Variants in ARHGEF26 observed in about 807,000 individuals in gnomAD.
The protein encoded by ARHGEF26 is Rho guanine nucleotide exchange factor 26, also known as Rho guanine nucleotide exchange factor (GEF) 26.
ARHGEF26 carries 59 observed loss-of-function variants against 89.4 expected under a neutral mutation model. The ratio of observed to expected loss-of-function variants is 0.66; its 90% CI spans 0.54 to 0.82. ARHGEF26 has a LOEUF of 0.82. ARHGEF26 is among the 40% of genes least tolerant of loss of function. The pLI is 0.00. For missense variants in ARHGEF26, 1,234 were observed against 1,085.6 expected, an observed-to-expected ratio of 1.14 and a Z score of -1.92; for synonymous variants, 500 against 428.4, an observed-to-expected ratio of 1.17 and a Z score of -2.06.
chr3:154,150,728 TC>T, intron 5 of ARHGEF26, among the ~76,000 whole-genome samples: 1 of 152,256 alleles, frequency 6.6e-6, no homozygotes, highest in East Asian at 1.9e-4. Flanking sequence ...ATTTAAAAGC[TC>T]CTCCAAGATA....
rs1716777077 is a variant in ARHGEF26, at chr3:154,230,676, C to T, written c.2090+4666C>T. ...AGTTTCCCTTTGTTAACATTTCCTTCCTGCAGACATTTAAGACAGGAGATT... is the reference window on the plus strand; with the variant it reads ...AGTTTCCCTTTGTTAACATTTCCTTTCTGCAGACATTTAAGACAGGAGATT... On this transcript the variant is annotated intron_variant, in intron 11 of 14. Transcript: ENST00000465093. Among the ~76,000 whole-genome samples the T allele has an allele frequency of 1.3e-5, 2 of 152,162 alleles. 1 individual carries two copies. Among genetic ancestry groups the T allele is most frequent in the African/African-American group, 4.8e-5 (2 of 41,422 alleles).
At chr3:154,229,663 T>TAGTAAGG (rs1332533164) in intron 11 of ARHGEF26, among the ~76,000 whole-genome samples, 1 of 152,186 alleles carries the variant, frequency 6.6e-6, no homozygotes, top group East Asian at 1.9e-4. Flanking sequence ...CTCTATCCAC[T>TAGTAAGG]GTTCGCTAGT....
chr3:154,215,528 A>G (rs1183648023), intron 9 of ARHGEF26, among the ~76,000 whole-genome samples: 1 of 152,054 alleles, frequency 6.6e-6, no homozygotes, highest in Non-Finnish European at 1.5e-5. Context: ...TAGAAGGGGA[A>G]ATATTTTTGT....
At chr3:154,228,672 T>C (rs1372832108) in intron 11 of ARHGEF26, among the ~76,000 whole-genome samples, 1 of 152,056 alleles carries the variant, frequency 6.6e-6, no homozygotes, top group Admixed American at 6.6e-5. Flanking sequence ...CCACAGAAGC[T>C]TCATAAACAG....
intron 11 of ARHGEF26, among the ~76,000 whole-genome samples, chr3:154,235,472 T>G (rs73875329): frequency 0.012 from 1,857 of 152,292 alleles, 37 homozygotes; most frequent in African/African-American, 0.043. Flanking sequence ...TCTCACTTGG[T>G]AGTATATTTT....
rs1281477674 is a variant in ARHGEF26, at chr3:154,122,762, C to A, written c.770C>A (p.Ser257Ter). Reference sequence around the variant, plus strand: ...CAGATCATTCCGAAGAGTCTGGCCTCGGAAATTAAAATAAGTAAATCCAAC... The same window carrying A: ...CAGATCATTCCGAAGAGTCTGGCCTAGGAAATTAAAATAAGTAAATCCAAC... ...KQQIIPKSLA[S>*]EIKISKSNNQ... Residue 257 changes from serine to a stop codon, truncating the protein, a stop_gained, in exon 2 of 15, where the codon TCG becomes TAG. Transcript: ENST00000465093. LOFTEE classifies it high-confidence loss of function. The A allele has an allele frequency of 1.2e-6, 2 of 1,610,998 alleles. No homozygotes were observed. The highest frequency in any genetic ancestry group is 1.7e-5 in the Admixed American group (1 of 59,516).
intron 6 of ARHGEF26, among the ~76,000 whole-genome samples, chr3:154,167,555 G>A (rs993130128): frequency 2.0e-5 from 3 of 152,100 alleles, no homozygotes; most frequent in Non-Finnish European, 4.4e-5. Context: ...TTTTATATTT[G>A]CAAGTAACTT....
At chr3:154,190,839 C>T (rs1410288710) in intron 7 of ARHGEF26, among the ~76,000 whole-genome samples, 2 of 152,286 alleles carry the variant, frequency 1.3e-5, no homozygotes, top group South Asian at 2.1e-4. Flanking sequence ...TCCAGTCTAA[C>T]TGTTAATTTC....
intron 1 of ARHGEF26, 98 bp from the exon 2 acceptor site, chr3:154,121,844 G>T: frequency 1.8e-6 from 2 of 1,119,058 alleles, no homozygotes; most frequent in Non-Finnish European, 1.2e-6. Flanking sequence ...GTCGTGTCCT[G>T]CGCAGCAGCA....
Position 154,122,704 on chromosome 3 carries a change from A to C in ARHGEF26, c.712A>C (p.Asn238His), listed in dbSNP as rs376185280. The C allele has an allele frequency of 3.1e-6, 5 of 1,613,704 alleles. No homozygotes were observed. The highest frequency in any genetic ancestry group is 4.2e-6 in the Non-Finnish European group (5 of 1,179,764). Residue 238 changes from asparagine (N) to histidine (H), a missense_variant, in exon 2 of 15, where the codon AAC (asparagine) becomes CAC (histidine). Coordinates refer to ENST00000465093, the MANE Select transcript of ARHGEF26 (RefSeq NM_015595.4). Reference protein sequence around the residue: ...LENPSVVLSTNSPAALKVGKQ... With the variant: ...LENPSVVLSTHSPAALKVGKQ... ...GAATCCTTCCGTGGTTTTGAGTACA[A>C]ACAGCCCCGCCGCCCTCAAAGTGGG...
chr3:154,212,369 A>G (rs1715430078), intron 9 of ARHGEF26, among the ~76,000 whole-genome samples: 1 of 151,810 alleles, frequency 6.6e-6, no homozygotes, highest in South Asian at 2.1e-4. Context: ...AAAATTGGAT[A>G]CAATAATAAG....
intron 4 of ARHGEF26, among the ~76,000 whole-genome samples, chr3:154,135,795 G>A (rs760651079): frequency 3.9e-5 from 6 of 152,144 alleles, no homozygotes; most frequent in Non-Finnish European, 7.3e-5. Context: ...GTAGGACCCC[G>A]GAAGTATTTA....
At chr3:154,240,316 A>ACT in intron 11 of ARHGEF26, 54 bp from the exon 12 acceptor site, 1 of 1,378,182 alleles carries the variant, frequency 7.3e-7, no homozygotes, top group Non-Finnish European at 9.9e-7. Flanking sequence ...AAAACTGACA[A>ACT]TGTCAGTCTT....
rs369498475 is a variant in ARHGEF26 at position 154,226,023 on chromosome 3, C to G, written c.2090+13C>G. On this transcript the variant is annotated intron_variant, in intron 11 of 14. Transcript: ENST00000465093. ...CCAAGAAGAAGAGGTAAGTCTTTAT[C>G]TGGTGTTGCTGACTAGACATTCCAG... 5 of 1,602,256 alleles carry G rather than the reference C, an allele frequency of 3.1e-6. No homozygotes were observed. The African/African-American group carries it at 5.4e-5, about 17-fold the overall frequency.
chr3:154,239,477 T>G (rs1166678681), intron 11 of ARHGEF26, among the ~76,000 whole-genome samples: 1 of 151,886 alleles, frequency 6.6e-6, no homozygotes, highest in African/African-American at 2.4e-5. Flanking sequence ...AAGCTGATGA[T>G]GTTTCAGGAG....
At chr3:154,233,067 G>A (rs922763027) in intron 11 of ARHGEF26, among the ~76,000 whole-genome samples, 13 of 151,448 alleles carry the variant, frequency 8.6e-5, no homozygotes, top group African/African-American at 2.2e-4. Context: ...TACTGACCTC[G>A]TGATCCACCT....
Position 154,256,137 on chromosome 3 carries a change from T to G in ARHGEF26, c.*664T>G, listed in dbSNP as rs173328. On this transcript the variant is annotated 3_prime_UTR_variant, in exon 15 of 15. Coordinates refer to ENST00000465093, the MANE Select transcript of ARHGEF26 (RefSeq NM_015595.4). The stretch of plus-strand genomic sequence containing the variant: ...AAAAAATCCATCTCACCCCATATTG[T>G]TCTTAAATAAGTATAGACTAATTAA... The G allele has an allele frequency of 0.98, 963,900 of 985,264 alleles. 471,514 individuals are homozygous for G. Among genetic ancestry groups the G allele is most frequent in the Middle Eastern group, 1 (1,914 of 1,914 alleles). 61.0% of individuals were successfully genotyped at this position (985,264 alleles called of 1,614,324 possible).
Position 154,213,216 on chromosome 3 carries a change from A to AGAGAGTGTGTGT in ARHGEF26, c.1846-4652_1846-4651insAGAGTGTGTGTG, listed in dbSNP as rs1553747872. Among the ~76,000 whole-genome samples, 583 of 141,974 alleles carry AGAGAGTGTGTGT rather than the reference A, an allele frequency of 4.1e-3. 3 individuals are homozygous for AGAGAGTGTGTGT. Among genetic ancestry groups the AGAGAGTGTGTGT allele is most frequent in the African/African-American group, 0.014 (545 of 38,970 alleles). The allele number at this position is 141,974 out of a possible 152,430, so 93.1% of individuals were successfully genotyped here. On this transcript the variant is annotated intron_variant, in intron 9 of 14. Coordinates refer to ENST00000465093, the MANE Select transcript of ARHGEF26 (RefSeq NM_015595.4). ...ACGAGTAACATAGAGAGAGAGAGAG[A>AGAGAGTGTGTGT]GTGTGTGTGTGTGTGTGTGTGTGTG...
intron 12 of ARHGEF26, among the ~76,000 whole-genome samples, chr3:154,248,776 T>C (rs1334232445): frequency 6.6e-6 from 1 of 152,250 alleles, no homozygotes. Context: ...TTAGAACTCT[T>C]AGTGGGCTAG....
Sources: allele counts gnomAD v4.1 joint callset (sites outside exome capture counted in the v4.1 genomes callset), GRCh38; gene constraint gnomAD v4.1.1; transcripts MANE v1.5; gene names NCBI Gene and HGNC (gene_info 2026-07-23, HGNC 2026-07-21).